Variants in CUBN observed in about 807,000 individuals in gnomAD.
CUBN encodes cubilin.
A neutral mutation model predicts 405.3 loss-of-function variants in CUBN; 282 were observed. That is an observed-to-expected ratio of 0.70 (90% CI 0.63 to 0.77). CUBN has a LOEUF of 0.77. CUBN is among the 30% of genes least tolerant of loss of function. The probability of loss-of-function intolerance (pLI) is 0.00; values close to 1 mark genes in which losing one functional copy is unlikely to be tolerated. For synonymous variants in CUBN, 1,684 were observed against 1,617.0 expected, an observed-to-expected ratio of 1.04 and a Z score of -0.99; for missense variants, 4,514 against 4,475.2, an observed-to-expected ratio of 1.01 and a Z score of -0.25.
chr10:16,851,564 A>G (rs1839686923), intron 59 of CUBN, 121 bp from the exon 60 acceptor site: 1 of 912,960 alleles, frequency 1.1e-6, no homozygotes, highest in South Asian at 1.4e-5. Flanking sequence ...ACATGATCAG[A>G]TCATTCCCTC....
chr10:17,046,137 T>C (rs1835127520), intron 23 of CUBN, 43 bp from the exon 24 acceptor site: 2 of 1,533,740 alleles, frequency 1.3e-6, no homozygotes, highest in African/African-American at 1.4e-5. Flanking sequence ...TTACTGACAA[T>C]ATTACTGTAT....
At chr10:17,016,165 CCACT>C (rs1282228651) in intron 28 of CUBN, among the ~76,000 whole-genome samples, 2 of 151,718 alleles carry the variant, frequency 1.3e-5, no homozygotes, top group African/African-American at 2.4e-5. Context: ...CCTCCCATAG[CCACT>C]TGAGGAAGGC....
intron 38 of CUBN, 121 bp from the exon 39 acceptor site, chr10:16,937,905 G>A: frequency 1.2e-6 from 1 of 838,406 alleles, no homozygotes; most frequent in Non-Finnish European, 1.9e-6. Context: ...TGACAAATGA[G>A]TAAACATTTA....
intron 22 of CUBN, among the ~76,000 whole-genome samples, chr10:17,056,828 T>C (rs1835406555): frequency 6.6e-6 from 1 of 151,982 alleles, no homozygotes; most frequent in Admixed American, 6.6e-5. Flanking sequence ...GACGTATTTG[T>C]ATGCAGAATA....
chr10:16,971,453 C>T (rs1194366864), intron 31 of CUBN, among the ~76,000 whole-genome samples: 1 of 152,194 alleles, frequency 6.6e-6, no homozygotes, highest in South Asian at 2.1e-4. Context: ...TAAGTGGGCA[C>T]ATTTGGCAAA....
chr10:17,016,221 T>C (rs1461288217), intron 28 of CUBN, among the ~76,000 whole-genome samples: 7 of 152,016 alleles, frequency 4.6e-5, no homozygotes, highest in South Asian at 2.1e-4. Context: ...GTGGACATCA[T>C]TGAATAATTC....
At chr10:17,008,429 CGTGTGT>C (rs59235819) in intron 28 of CUBN, among the ~76,000 whole-genome samples, 33 of 131,528 alleles carry the variant, frequency 2.5e-4, no homozygotes, top group Admixed American at 2.0e-3. Flanking sequence ...AATCCCTGCT[CGTGTGT>C]GTGTGTGTGT....
At chr10:16,993,403 G>A (rs1833648299) in intron 28 of CUBN, among the ~76,000 whole-genome samples, 1 of 151,920 alleles carries the variant, frequency 6.6e-6, no homozygotes, top group African/African-American at 2.4e-5. Context: ...ACATTTCCTT[G>A]TGAATTCCTT....
rs376137878 is a variant in CUBN at position 17,019,997 on chromosome 10, G to T, written c.4018-14C>A. The T allele has an allele frequency of 1.1e-5, 17 of 1,613,860 alleles. No homozygotes were observed. Among genetic ancestry groups the T allele is most frequent in the Middle Eastern group, 1.6e-4 (1 of 6,082 alleles). On this transcript the variant is annotated splice_polypyrimidine_tract_variant and intron_variant, in intron 27 of 66. Transcript: ENST00000377833. ...TCCATCATAGAGCTGAAATTGAAGA[G>T]AAACTTTCCCATATAAAAACACATG... is the stretch of plus-strand genomic sequence containing the variant.
At chr10:16,976,343 T>C (rs1319763064) in intron 31 of CUBN, among the ~76,000 whole-genome samples, 1 of 152,138 alleles carries the variant, frequency 6.6e-6, no homozygotes, top group Non-Finnish European at 1.5e-5. Context: ...TTTTCTTTAA[T>C]CTGAATATAT....
At chr10:16,919,824 C>A (rs1263121097) in intron 44 of CUBN, 139 bp downstream of exon 44, 3 of 942,826 alleles carry the variant, frequency 3.2e-6, no homozygotes, top group African/African-American at 1.6e-5. Context: ...TGTTTTCAGG[C>A]CTGAGCCATT....
intron 31 of CUBN, among the ~76,000 whole-genome samples, chr10:16,972,901 TG>T (rs781397671): frequency 1.3e-5 from 2 of 152,274 alleles, no homozygotes; most frequent in South Asian, 2.1e-4. Context: ...TTATCACCTC[TG>T]ATCCAAGCTT....
Position 17,110,984 on chromosome 10 carries a change from G to C in CUBN, c.950C>G (p.Ser317Cys), listed in dbSNP as rs780165412. 20 of 1,614,048 alleles carry C rather than the reference G, an allele frequency of 1.2e-5. No homozygotes were observed. The highest frequency in any genetic ancestry group is 1.7e-5 in the Non-Finnish European group (20 of 1,180,024). The stretch of plus-strand genomic sequence containing the variant: ...CACACACTCAACGGGTGGAGCCACA[G>C]AACAGCCGCCGTTATTTATCTCACA... ...NECEINNGGC[S>C]VAPPVECVNT... Residue 317 changes from serine to cysteine, a missense_variant, in exon 9 of 67, where the codon TCT (serine) becomes TGT (cysteine). Ser to Cys is a moderately radical substitution (Grantham distance 112). Coordinates refer to ENST00000377833, the MANE Select transcript of CUBN (RefSeq NM_001081.4).
chr10:17,005,943 C>G (rs998398779), intron 28 of CUBN, among the ~76,000 whole-genome samples: 1 of 152,070 alleles, frequency 6.6e-6, no homozygotes, highest in Admixed American at 6.6e-5. Flanking sequence ...TTATAAGGAG[C>G]AAATTTGGAC....
chr10:16,924,265 G>A (rs976804889), intron 43 of CUBN, among the ~76,000 whole-genome samples: 2 of 152,098 alleles, frequency 1.3e-5, no homozygotes, highest in African/African-American at 4.8e-5. Context: ...GGATGAGAAG[G>A]TCCCAGCTTA....
intron 28 of CUBN, among the ~76,000 whole-genome samples, chr10:17,017,193 C>G (rs1834349556): frequency 6.6e-6 from 1 of 152,176 alleles, no homozygotes; most frequent in African/African-American, 2.4e-5. Flanking sequence ...GAACCCGCAA[C>G]AGTCCCTGGA....
intron 35 of CUBN, 129 bp from the exon 36 acceptor site, chr10:16,947,496 A>G: frequency 9.7e-7 from 1 of 1,028,622 alleles, no homozygotes; most frequent in Non-Finnish European, 1.5e-6. Context: ...CTCACATTTT[A>G]AAACATTCAT....
rs1840529292 is a variant in CUBN, at chr10:16,877,067, T to C, written c.8936A>G (p.Asn2979Ser). Residue 2979 changes from asparagine to serine, a missense_variant, in exon 57 of 67, where the codon AAC becomes AGC. By Grantham distance (46) the Asn-to-Ser change is conservative (BLOSUM62 1). This residue lies in a region of CUBN where 1,186 missense variants were observed against 1,186.9 expected (regional missense o/e 1.00). Coordinates refer to ENST00000377833, the MANE Select transcript of CUBN (RefSeq NM_001081.4). Reference protein sequence around the residue: ...ARSAVTGSCVNDGVHIIRGYS... With the variant: ...ARSAVTGSCVSDGVHIIRGYS... Reference sequence around the variant, plus strand: ...ACCTCTGATAATGTGCACGCCATCGTTGACACAGCTTCCCGTCACAGCGGA... The same window carrying C: ...ACCTCTGATAATGTGCACGCCATCGCTGACACAGCTTCCCGTCACAGCGGA... 1.2e-6 allele frequency: 2 copies of C among 1,613,926 alleles called. No individual in the cohort carries two copies. The highest frequency in any genetic ancestry group is 2.2e-5 in the South Asian group (2 of 91,074).
chr10:16,976,743 C>A (rs1444290556), intron 31 of CUBN, among the ~76,000 whole-genome samples: 3 of 151,946 alleles, frequency 2.0e-5, no homozygotes, highest in Non-Finnish European at 4.4e-5. Flanking sequence ...ATTTTTCATC[C>A]TTTTTTTATC....
Sources: allele counts gnomAD v4.1 joint callset (sites outside exome capture counted in the v4.1 genomes callset), GRCh38; gene constraint gnomAD v4.1.1; regional missense constraint gnomAD v4.1.1; transcripts MANE v1.5; gene names NCBI Gene and HGNC (gene_info 2026-07-23, HGNC 2026-07-21).